The following TENM4 variants were observed in gnomAD, a reference collection of about 807,000 sequenced individuals.
The protein encoded by TENM4 is teneurin-4.
A neutral mutation model predicts 243.3 loss-of-function variants in TENM4; 82 were observed. The observed-to-expected ratio is 0.34, with a 90% confidence interval of 0.28 to 0.40. TENM4 has a LOEUF of 0.40. Ranked by LOEUF, TENM4 falls within the 10% of genes least tolerant of loss-of-function variation. The probability of loss-of-function intolerance (pLI) is 1.00; values close to 1 mark genes in which losing one functional copy is unlikely to be tolerated. For synonymous variants in TENM4, 1,412 were observed against 1,456.3 expected (o/e 0.97, Z 0.69); for missense variants, 3,138 against 3,673.3 (o/e 0.85, Z 3.77).
chr11:79,231,895 C>T (rs546903451), intron 2 of TENM4, among the ~76,000 whole-genome samples: 1 of 152,240 alleles, frequency 6.6e-6, no homozygotes, highest in South Asian at 2.1e-4. Context: ...GCCTGGCCAA[C>T]ATGGTGAAAC....
chr11:78,702,986 T>C (rs781743938), intron 27 of TENM4, among the ~76,000 whole-genome samples: 2 of 152,240 alleles, frequency 1.3e-5, no homozygotes, highest in Admixed American at 6.5e-5. Context: ...GCTGGCTAGC[T>C]GCTAGAGACA....
Position 78,655,073 on chromosome 11 carries a change from C to G in TENM4, c.*2985G>C, listed in dbSNP as rs1010656407. On this transcript the variant is annotated 3_prime_UTR_variant, in exon 34 of 34. Coordinates refer to ENST00000278550, the MANE Select transcript of TENM4 (RefSeq NM_001098816.3). ...GGGAGTCGATGCTTGGAGCCTATTA[C>G]ATAGGCACAGGGTTAGGCCTTCACA... is the stretch of plus-strand genomic sequence containing the variant. 3 of 152,170 alleles carry G rather than the reference C, an allele frequency of 2.0e-5. No individual in the cohort carries two copies. The highest frequency in any genetic ancestry group is 7.2e-5 in the African/African-American group (3 of 41,408). The allele number at this position is 152,170 out of a possible 1,614,324, so 9.4% of individuals were successfully genotyped here.
Position 78,722,854 on chromosome 11 carries a change from C to T in TENM4, c.3614G>A (p.Ser1205Asn). 4 of 1,614,072 alleles carry T rather than the reference C, an allele frequency of 2.5e-6. No individual in the cohort carries two copies. The highest frequency in any genetic ancestry group is 3.4e-6 in the Non-Finnish European group (4 of 1,179,902). The change falls in exon 24 of 34, where the codon AGC becomes AAC. Residue 1205 changes from serine (S) to asparagine (N), a missense_variant. Around this residue, in one of 2 missense-constraint regions of TENM4, gnomAD observed 2,467 missense variants for 3,059.1 expected, o/e 0.81. Transcript: ENST00000278550. ...TCTCCGGCGCCCATTGCCCATGATGCTCCCAATGACAGGAGGCTGCTGAGA... is the reference window on the plus strand; with the variant it reads ...TCTCCGGCGCCCATTGCCCATGATGTTCCCAATGACAGGAGGCTGCTGAGA... Reference protein sequence around the residue: ...FVSQQPPVIGSIMGNGRRRSI... With the variant: ...FVSQQPPVIGNIMGNGRRRSI...
At chr11:78,797,415 T>C (rs1857183088) in intron 15 of TENM4, among the ~76,000 whole-genome samples, 1 of 152,220 alleles carries the variant, frequency 6.6e-6, no homozygotes, top group South Asian at 2.1e-4. Flanking sequence ...TTGTACAAGA[T>C]ATCAGCTTGG....
chr11:79,440,683 A>G lies in TENM4; in HGVS notation c.-495T>C, dbSNP rs1327019188. On this transcript the variant is annotated 5_prime_UTR_variant, in exon 1 of 34. Coordinates refer to ENST00000278550, the MANE Select transcript of TENM4 (RefSeq NM_001098816.3). The surrounding 1 kb of genome is among the most constrained non-coding windows in gnomAD (Gnocchi z 4.7). ...TCTGCGCTCAGCTCCAGCGAGACCA[A>G]CAATAGCTCCCGCGGGGAGCGGAGC... The G allele has an allele frequency of 2.6e-5, 4 of 151,834 alleles. No homozygotes were observed. The highest frequency in any genetic ancestry group is 5.9e-5 in the Non-Finnish European group (4 of 67,926). The allele number at this position is 151,834 out of a possible 1,614,324, so 9.4% of individuals were successfully genotyped here.
intron 1 of TENM4, among the ~76,000 whole-genome samples, chr11:79,417,478 G>A (rs1447524396): frequency 2.6e-5 from 4 of 152,134 alleles, no homozygotes; most frequent in Non-Finnish European, 4.4e-5. Flanking sequence ...TGACCACAGT[G>A]GTAGTAAACA....
intron 4 of TENM4, among the ~76,000 whole-genome samples, chr11:79,126,610 T>G (rs975450633): frequency 6.6e-6 from 1 of 152,178 alleles, no homozygotes; most frequent in African/African-American, 2.4e-5. Context: ...ATAGGAAGCC[T>G]ACTGCATTCC....
chr11:79,121,334 A>G (rs1861742015), intron 4 of TENM4, among the ~76,000 whole-genome samples: 1 of 152,214 alleles, frequency 6.6e-6, no homozygotes, highest in African/African-American at 2.4e-5. Flanking sequence ...AGAGACCAGA[A>G]AGTTCAAGGT....
At chr11:78,722,334 G>T (rs572095504) in intron 24 of TENM4, among the ~76,000 whole-genome samples, 2 of 152,294 alleles carry the variant, frequency 1.3e-5, no homozygotes, top group Non-Finnish European at 2.9e-5. Context: ...TATAAAAAAG[G>T]TTCATGTGAC....
intron 12 of TENM4, among the ~76,000 whole-genome samples, chr11:78,817,397 T>G (rs899998822): frequency 7.2e-5 from 11 of 152,332 alleles, no homozygotes; most frequent in African/African-American, 2.6e-4. Context: ...GTGCTTTATA[T>G]TAACACAGAG....
chr11:79,376,742 C>T (rs748223516), intron 1 of TENM4, among the ~76,000 whole-genome samples: 3 of 152,224 alleles, frequency 2.0e-5, no homozygotes, highest in Non-Finnish European at 4.4e-5. Context: ...CTGCTAACTG[C>T]CTATCCTGCC....
chr11:79,286,978 T>C (rs370555557), intron 2 of TENM4, among the ~76,000 whole-genome samples: 1 of 152,232 alleles, frequency 6.6e-6, no homozygotes, highest in Non-Finnish European at 1.5e-5. Flanking sequence ...ATAGACCACA[T>C]ACATTCAGGA....
intron 12 of TENM4, among the ~76,000 whole-genome samples, chr11:78,839,624 C>T (rs1054332113): frequency 1.3e-5 from 2 of 152,060 alleles, no homozygotes; most frequent in Non-Finnish European, 2.9e-5. Context: ...GTTTCTATGT[C>T]ATATCTTATC....
At chr11:79,113,203 C>A (rs2137110946) in intron 4 of TENM4, among the ~76,000 whole-genome samples, 1 of 151,894 alleles carries the variant, frequency 6.6e-6, no homozygotes, top group East Asian at 1.9e-4. Context: ...AGCTGAGGGT[C>A]AGGGATATAA....
intron 6 of TENM4, among the ~76,000 whole-genome samples, chr11:78,928,496 G>A (rs1430889181): frequency 6.6e-6 from 1 of 152,142 alleles, no homozygotes; most frequent in Admixed American, 6.5e-5. Flanking sequence ...GGTGCTTGAC[G>A]GAATAGATTC....
intron 2 of TENM4, among the ~76,000 whole-genome samples, chr11:79,264,951 C>T (rs1018153719): frequency 2.0e-5 from 3 of 152,178 alleles, no homozygotes; most frequent in African/African-American, 7.2e-5. Flanking sequence ...CAAATGTCTG[C>T]AGAGGGTCTG....
chr11:79,188,887 C>A (rs930885506), intron 3 of TENM4, among the ~76,000 whole-genome samples: 1 of 152,104 alleles, frequency 6.6e-6, no homozygotes, highest in African/African-American at 2.4e-5. Context: ...GCACATGTTA[C>A]CTGCAAGCAT....
intron 6 of TENM4, among the ~76,000 whole-genome samples, chr11:78,968,940 G>A (rs1225206696): frequency 6.6e-6 from 1 of 152,188 alleles, no homozygotes; most frequent in Non-Finnish European, 1.5e-5. Flanking sequence ...GCAAACCAAG[G>A]ATCAAAGCCC....
rs774617113 is a variant in TENM4 at position 78,889,900 on chromosome 11, G to A, written c.969C>T (p.Phe323=). The change falls in exon 9 of 34, where the codon TTC becomes TTT. Residue 323 remains phenylalanine, a synonymous_variant. Transcript: ENST00000278550. ...PPPRPLPRST[F]ARPAFNLKKP... ...TCTTGAGGTTAAAGGCCGGCCGGGC[G>A]AAGGTGCTGCGGGGCAGGGGTCGGG... is the stretch of plus-strand genomic sequence containing the variant. 1.7e-5 allele frequency: 27 copies of A among 1,551,696 alleles called. No homozygotes were observed. In the South Asian group the frequency reaches 2.0e-4, roughly 12 times the overall value.
Sources: gnomAD v4.1 joint callset for allele counts (sites outside exome capture counted in the v4.1 genomes callset) on GRCh38, gnomAD v4.1.1 for gene constraint, gnomAD v4.1.1 regional missense constraint, Gnocchi (gnomAD v3.1) non-coding constraint, MANE v1.5 for transcripts, NCBI Gene and HGNC (gene_info 2026-07-23, HGNC 2026-07-21) for gene names.